The following TNR variants were observed in gnomAD, a reference collection of about 807,000 sequenced individuals.
The protein encoded by TNR is tenascin-R.
TNR carries 45 observed loss-of-function variants against 150.4 expected under a neutral mutation model. The ratio of observed to expected loss-of-function variants is 0.30; its 90% CI spans 0.24 to 0.38. The LOEUF is 0.38. TNR is among the 10% of genes least tolerant of loss of function. The pLI is 1.00. For synonymous variants in TNR, 687 were observed against 678.4 expected (o/e 1.01, Z -0.20); for missense variants, 1,544 against 1,759.1 (o/e 0.88, Z 2.19).
At chr1:175,444,410 A>C (rs896832640) in intron 2 of TNR, among the ~76,000 whole-genome samples, 2 of 152,192 alleles carry the variant, frequency 1.3e-5, no homozygotes, top group Non-Finnish European at 2.9e-5. Context: ...AAAGAGGTGC[A>C]CATGAACAGG....
chr1:175,652,012 AT>A (rs1159189427), intron 1 of TNR, among the ~76,000 whole-genome samples: 1 of 150,434 alleles, frequency 6.6e-6, no homozygotes, highest in East Asian at 1.9e-4. Context: ...TCTCTTTATG[AT>A]TTTAAAATAA....
At chr1:175,580,771 T>C (rs1229742641) in intron 1 of TNR, among the ~76,000 whole-genome samples, 1 of 152,256 alleles carries the variant, frequency 6.6e-6, no homozygotes. Flanking sequence ...ATACGGTCAA[T>C]TAAGGGCAGC....
chr1:175,402,074 G>C (rs984146507), intron 4 of TNR, among the ~76,000 whole-genome samples: 7 of 151,932 alleles, frequency 4.6e-5, no homozygotes, highest in African/African-American at 1.7e-4. Context: ...TTGGGAGGCC[G>C]AGGCGGGCGG....
chr1:175,443,266 G>A (rs757215261), intron 2 of TNR, among the ~76,000 whole-genome samples: 27 of 151,974 alleles, frequency 1.8e-4, no homozygotes, highest in Non-Finnish European at 3.7e-4. Flanking sequence ...TCACTTTATT[G>A]CCATCTTATT....
chr1:175,500,557 A>G (rs1658690193), intron 2 of TNR, among the ~76,000 whole-genome samples: 2 of 152,178 alleles, frequency 1.3e-5, no homozygotes, highest in Admixed American at 1.3e-4. Flanking sequence ...CTTGGGGACA[A>G]GCATGTGTTT....
intron 2 of TNR, among the ~76,000 whole-genome samples, chr1:175,411,403 A>G (rs1654208805): frequency 6.6e-6 from 1 of 152,158 alleles, no homozygotes; most frequent in Non-Finnish European, 1.5e-5. Context: ...ATAATATGGC[A>G]TTAGTTCCCT....
At chr1:175,385,990 C>G (rs753980094) in intron 8 of TNR, 42 bp downstream of exon 8, 42 of 1,527,600 alleles carry the variant, frequency 2.7e-5, no homozygotes, top group Non-Finnish European at 1.8e-6. Context: ...GGCTCCACCC[C>G]TCTTTCCCTC....
intron 20 of TNR, among the ~76,000 whole-genome samples, chr1:175,333,096 C>G (rs1650029904): frequency 6.6e-6 from 1 of 152,164 alleles, no homozygotes. Flanking sequence ...AATACCACCA[C>G]CACTGCCAGC....
At chr1:175,524,903 A>G (rs1235263300) in intron 2 of TNR, among the ~76,000 whole-genome samples, 1 of 152,138 alleles carries the variant, frequency 6.6e-6, no homozygotes, top group Non-Finnish European at 1.5e-5. Context: ...ATTTCCTGAG[A>G]TGTGGGTAGG....
intron 1 of TNR, among the ~76,000 whole-genome samples, chr1:175,597,601 CTG>C (rs1383518488): frequency 1.3e-5 from 2 of 152,164 alleles, no homozygotes; most frequent in African/African-American, 4.8e-5. Flanking sequence ...TTTTCAGACA[CTG>C]GGGCTTGTCT....
At chr1:175,654,724 T>A (rs1171191085) in intron 1 of TNR, among the ~76,000 whole-genome samples, 1 of 134,416 alleles carries the variant, frequency 7.4e-6, no homozygotes, top group African/African-American at 3.0e-5. Flanking sequence ...CCCTTCTTTT[T>A]TTTTTTTTTT....
At position 175,406,627 on chromosome 1, in the gene TNR, C is replaced by G. The variant is rs1396539690; in HGVS notation, c.88G>C (p.Glu30Gln). Residue 30 changes from glutamate to glutamine, a missense_variant, in exon 3 of 23, where the codon GAG becomes CAG. Glu to Gln is a conservative substitution (Grantham distance 29). Around this residue, in one of 2 missense-constraint regions of TNR, gnomAD observed 1,254 missense variants for 1,329.4 expected, o/e 0.94. Coordinates refer to ENST00000367674, the MANE Select transcript of TNR (RefSeq NM_003285.3). Reference protein sequence around the residue: ...ILLGSMIKPSECQLEVTTERV... With the variant: ...ILLGSMIKPSQCQLEVTTERV... ...TCTGTGGTGACCTCCAGCTGACACT[C>G]TGAAGGCTTGATCATGGAGCCCAGA... The G allele has an allele frequency of 6.2e-7, 1 of 1,614,244 alleles. No homozygotes were observed. Among genetic ancestry groups the G allele is most frequent in the Non-Finnish European group, 8.5e-7 (1 of 1,180,056 alleles).
At chr1:175,351,318 G>T (rs1651040713) in intron 18 of TNR, among the ~76,000 whole-genome samples, 1 of 152,106 alleles carries the variant, frequency 6.6e-6, no homozygotes, top group Non-Finnish European at 1.5e-5. Context: ...TAGAGAGGTG[G>T]CACAGGCAAC....
rs762020704 is a variant in TNR at position 175,379,685 on chromosome 1, A to G, written c.1830T>C (p.Leu610=). The G allele has an allele frequency of 5.6e-6, 9 of 1,614,206 alleles. No individual in the cohort carries two copies. The highest frequency in any genetic ancestry group is 6.8e-6 in the Non-Finnish European group (8 of 1,180,028). ...CTTCACTGTTATCCCACTCGAGGTC[A>G]AGGCTGGTTGCTGTGCGAGAACCAA... ...LRVGSRTATS[L]DLEWDNSEAE... The change falls in exon 9 of 23, where the codon CTT becomes CTC. Residue 610 remains leucine (L), a synonymous_variant. Coordinates refer to ENST00000367674, the MANE Select transcript of TNR (RefSeq NM_003285.3).
chr1:175,396,560 A>G lies in TNR; in HGVS notation c.1224T>C (p.Thr408=), dbSNP rs577261789. Residue 408 remains threonine, a synonymous_variant, in exon 5 of 23, where the codon ACT becomes ACC. Transcript: ENST00000367674. ...VISNILSLPI[T]AKVATHLSTP... ...GGTACGTACGGGTGGCCACCTTGGC[A>G]GTGATGGGAAGGCTGAGGATGTTGC... 6.2e-7 allele frequency: 1 copy of G among 1,614,144 alleles called. No homozygotes were observed. Among genetic ancestry groups the G allele is most frequent in the South Asian group, 1.1e-5 (1 of 91,070 alleles).
At chr1:175,392,309 T>C (rs955293551) in intron 6 of TNR, among the ~76,000 whole-genome samples, 5 of 152,188 alleles carry the variant, frequency 3.3e-5, no homozygotes, top group African/African-American at 9.7e-5. Context: ...TTGGCCTCTA[T>C]TTATGGTACC....
intron 1 of TNR, among the ~76,000 whole-genome samples, chr1:175,612,596 C>T (rs1663631760): frequency 6.6e-6 from 1 of 152,112 alleles, no homozygotes; most frequent in African/African-American, 2.4e-5. Context: ...ATTTCTATTA[C>T]CCAAAACCCC....
At chr1:175,411,608 C>T (rs919192973) in intron 2 of TNR, among the ~76,000 whole-genome samples, 2 of 151,682 alleles carry the variant, frequency 1.3e-5, no homozygotes, top group South Asian at 2.1e-4. Flanking sequence ...CATTCCTCTG[C>T]TTGTAGGTGC....
intron 2 of TNR, among the ~76,000 whole-genome samples, chr1:175,469,543 C>T (rs571140679): frequency 1.3e-5 from 2 of 151,924 alleles, no homozygotes; most frequent in South Asian, 4.2e-4. Flanking sequence ...TGGGTTAGCA[C>T]TTCCCAACTG....
Sources: gnomAD v4.1 joint callset for allele counts (sites outside exome capture counted in the v4.1 genomes callset) on GRCh38, gnomAD v4.1.1 for gene constraint, gnomAD v4.1.1 regional missense constraint, MANE v1.5 for transcripts, NCBI Gene and HGNC (gene_info 2026-07-23, HGNC 2026-07-21) for gene names.